PLCL1: variants seen among roughly 807,000 people sequenced by gnomAD.
The protein encoded by PLCL1 is phospholipase C like 1 (inactive).
A neutral mutation model predicts 84.4 loss-of-function variants in PLCL1; 41 were observed. The observed-to-expected ratio is 0.49, with a 90% CI of 0.38 to 0.63. The LOEUF is 0.63. PLCL1 is among the 30% of genes least tolerant of loss of function. The probability of loss-of-function intolerance (pLI) is 0.00; values close to 1 mark genes in which losing one functional copy is unlikely to be tolerated. For missense variants in PLCL1, 1,206 were observed against 1,367.8 expected, an observed-to-expected ratio of 0.88 and a Z score of 1.87; for synonymous variants, 490 against 488.3, an observed-to-expected ratio of 1.00 and a Z score of -0.05.
intron 5 of PLCL1, among the ~76,000 whole-genome samples, chr2:198,136,898 A>G (rs1170672943): frequency 6.6e-6 from 1 of 152,140 alleles, no homozygotes; most frequent in Non-Finnish European, 1.5e-5. Flanking sequence ...CAGTTTTCCG[A>G]AAATCTGGCT....
intron 1 of PLCL1, among the ~76,000 whole-genome samples, chr2:197,944,308 G>T (rs1009614691): frequency 1.5e-4 from 23 of 152,250 alleles, no homozygotes; most frequent in African/African-American, 5.1e-4. Context: ...TGATTCCGGG[G>T]TTGAAGGAAC....
chr2:198,125,945 C>T (rs1467656522), intron 5 of PLCL1, among the ~76,000 whole-genome samples: 1 of 152,150 alleles, frequency 6.6e-6, no homozygotes, highest in African/African-American at 2.4e-5. Context: ...GCTTTAGCGA[C>T]ACAACAGATA....
Position 198,059,198 on chromosome 2 carries a change from C to T in PLCL1, c.241-24560C>T, listed in dbSNP as rs376137905. Reference sequence around the variant, plus strand: ...ACTCAAGCTTTTGGGGCATAGCCAACGCTCCCCTCCAAATGTGTATACCTA... The same window carrying T: ...ACTCAAGCTTTTGGGGCATAGCCAATGCTCCCCTCCAAATGTGTATACCTA... On this transcript the variant is annotated intron_variant, in intron 1 of 5. Coordinates refer to ENST00000428675, the MANE Select transcript of PLCL1 (RefSeq NM_006226.4). Among the ~76,000 whole-genome samples, 66 of 152,292 alleles carry T rather than the reference C, an allele frequency of 4.3e-4. 1 individual carries two copies. The highest frequency in any genetic ancestry group is 1.6e-3 in the Admixed American group (25 of 15,298).
rs115051949 is a variant in PLCL1, at chr2:197,862,862, A to G, written c.240+57523A>G. The stretch of plus-strand genomic sequence containing the variant: ...TTCACTTGTTGTTCTTCTGGAACAA[A>G]GTCAGGGACCCTCATCCTAAGCCCA... On this transcript the variant is annotated intron_variant, in intron 1 of 5. Coordinates refer to ENST00000428675, the MANE Select transcript of PLCL1 (RefSeq NM_006226.4). Among the ~76,000 whole-genome samples the G allele has an allele frequency of 1.9e-3, 293 of 152,214 alleles. 1 individual carries two copies. The highest frequency in any genetic ancestry group is 6.7e-3 in the African/African-American group (280 of 41,540).
chr2:197,832,204 A>G (rs113485223), intron 1 of PLCL1, among the ~76,000 whole-genome samples: 29,475 of 152,138 alleles, frequency 0.19, 2,912 homozygotes, highest in East Asian at 0.27. Flanking sequence ...CAAAAAATCA[A>G]TGAATCCAAG....
At chr2:197,880,673 A>T (rs1046225986) in intron 1 of PLCL1, among the ~76,000 whole-genome samples, 9 of 152,196 alleles carry the variant, frequency 5.9e-5, no homozygotes, top group African/African-American at 2.2e-4. Context: ...AACATTATGT[A>T]TAGGAGAAAA....
intron 5 of PLCL1, among the ~76,000 whole-genome samples, chr2:198,112,528 C>T (rs536141997): frequency 6.6e-6 from 1 of 151,942 alleles, no homozygotes; most frequent in East Asian, 2.0e-4. Flanking sequence ...TTCCTCATGC[C>T]CCCTCCTCCA....
chr2:198,136,668 A>G (rs1415032423), intron 5 of PLCL1, among the ~76,000 whole-genome samples: 1 of 152,102 alleles, frequency 6.6e-6, no homozygotes, highest in Non-Finnish European at 1.5e-5. Context: ...TGCTGCAAGG[A>G]GAAATCAGTA....
chr2:198,054,586 C>T (rs534707623), intron 1 of PLCL1, among the ~76,000 whole-genome samples: 80 of 152,284 alleles, frequency 5.3e-4, no homozygotes, highest in African/African-American at 1.8e-3. Context: ...CCATTCTTTG[C>T]CAGTTGGGCA....
rs556931190 is a variant in PLCL1, at chr2:197,957,269, T to G, written c.241-126489T>G. ...GTTATAATTATTTCTTGTGTGTAAG[T>G]TCTTTATGTTGTATCCTTCTACTAG... On this transcript the variant is annotated intron_variant, in intron 1 of 5. Transcript: ENST00000428675. Among the ~76,000 whole-genome samples the G allele has an allele frequency of 2.4e-4, 36 of 152,202 alleles. No individual in the cohort carries two copies. In the Middle Eastern group the frequency reaches 0.01, roughly 43 times the overall value.
intron 1 of PLCL1, among the ~76,000 whole-genome samples, chr2:198,077,836 T>C (rs1559095306): frequency 6.6e-6 from 1 of 152,158 alleles, no homozygotes; most frequent in South Asian, 2.1e-4. Flanking sequence ...CATTTAGTAA[T>C]ATTTCCACTC....
intron 1 of PLCL1, among the ~76,000 whole-genome samples, chr2:197,861,787 G>T (rs141472890): frequency 5.9e-5 from 9 of 152,120 alleles, no homozygotes; most frequent in African/African-American, 2.2e-4. Context: ...CCTACATTTG[G>T]TCACAGAAAT....
intron 1 of PLCL1, among the ~76,000 whole-genome samples, chr2:197,997,721 C>T (rs77887274): frequency 6.6e-6 from 1 of 152,036 alleles, no homozygotes; most frequent in East Asian, 1.9e-4. Context: ...CCAATCATGA[C>T]CTTTATCTTC....
chr2:198,001,990 C>T (rs1690612886), intron 1 of PLCL1: 1 of 440,196 alleles, frequency 2.3e-6, no homozygotes, highest in Non-Finnish European at 4.6e-6. Flanking sequence ...CTCAGAGTTT[C>T]CACTGATTCT....
At chr2:197,848,160 A>T (rs1158985328) in intron 1 of PLCL1, among the ~76,000 whole-genome samples, 1 of 152,194 alleles carries the variant, frequency 6.6e-6, no homozygotes, top group Non-Finnish European at 1.5e-5. Flanking sequence ...TTGTAAACAG[A>T]TGAGCTTCTG....
In PLCL1 at chr2:197,983,200, C is replaced by CTTTTTTTCTTTTTTTTTTTTT. The variant is rs1690150482; in HGVS notation, c.241-100551_241-100550insCTTTTTTTTTTTTTTTTTTTT. 3.3e-5 allele frequency among the ~76,000 whole-genome samples: 2 copies of CTTTTTTTCTTTTTTTTTTTTT among 60,256 alleles called. 1 individual carries two copies. Among genetic ancestry groups the CTTTTTTTCTTTTTTTTTTTTT allele is most frequent in the African/African-American group, 1.3e-4 (2 of 15,548 alleles). The allele number at this position is 60,256 out of a possible 152,430, so 39.5% of individuals were successfully genotyped here. A position where few individuals can be genotyped will look rare whatever the true frequency, so the allele number is the denominator to read the frequency against. ...TTTCTTTTTCTTTTTCTTTTCTTTT[C>CTTTTTTTCTTTTTTTTTTTTT]TTTTTTTTTTTTTTTTTTTTTTTTT... is the stretch of plus-strand genomic sequence containing the variant. On this transcript the variant is annotated intron_variant, in intron 1 of 5. Coordinates refer to ENST00000428675, the MANE Select transcript of PLCL1 (RefSeq NM_006226.4).
Position 198,119,214 on chromosome 2 carries a change from T to G in PLCL1, c.3105+15278T>G, listed in dbSNP as rs540104973. On this transcript the variant is annotated intron_variant, in intron 5 of 5. Coordinates refer to ENST00000428675, the MANE Select transcript of PLCL1 (RefSeq NM_006226.4). ...CCTCTTTTCAAATCTAATACATCCT[T>G]CTTGTGTAAGAAAATTTAATTAAAT... Among the ~76,000 whole-genome samples, 12 of 141,948 alleles carry G rather than the reference T, an allele frequency of 8.5e-5. No homozygotes were observed. The East Asian group carries it at 2.6e-3, about 31-fold the overall frequency. The allele number at this position is 141,948 out of a possible 152,430, so 93.1% of individuals were successfully genotyped here.
intron 3 of PLCL1, among the ~76,000 whole-genome samples, chr2:198,092,781 C>G (rs1693078980): frequency 6.6e-6 from 1 of 152,160 alleles, no homozygotes; most frequent in Non-Finnish European, 1.5e-5. Flanking sequence ...TTTTTAATTG[C>G]TGTCCTCTTT....
chr2:198,075,806 A>G (rs1443837022), intron 1 of PLCL1, among the ~76,000 whole-genome samples: 1 of 152,236 alleles, frequency 6.6e-6, no homozygotes. Flanking sequence ...TTAATTAGCT[A>G]CAAACATTCA....
Sources: allele counts gnomAD v4.1 joint callset (sites outside exome capture counted in the v4.1 genomes callset), GRCh38; gene constraint gnomAD v4.1.1; transcripts MANE v1.5; gene names NCBI Gene and HGNC (gene_info 2026-07-23, HGNC 2026-07-21).